The following VSTM4 variants were observed in gnomAD, a reference collection of about 807,000 sequenced individuals.
VSTM4 encodes the protein V-set and transmembrane domain containing 4, also known as V-set and transmembrane domain-containing protein 4.
Under a neutral mutation model 36.4 loss-of-function variants are expected in VSTM4, and 20 were observed. The observed-to-expected ratio is 0.55, with a 90% CI of 0.39 to 0.80. The LOEUF (loss-of-function observed/expected upper bound fraction) is 0.80, where lower values mean the gene tolerates loss of function less well. Ranked by LOEUF, VSTM4 falls within the 30% of genes least tolerant of loss-of-function variation. VSTM4 has a pLI of 0.00. For synonymous variants in VSTM4, 182 were observed against 173.9 expected, an observed-to-expected ratio of 1.05 and a Z score of -0.37; for missense variants, 392 against 404.5, an observed-to-expected ratio of 0.97 and a Z score of 0.26.
intron 7 of VSTM4, among the ~76,000 whole-genome samples, chr10:49,045,206 C>CTT (rs1843589370): frequency 6.6e-6 from 1 of 151,112 alleles, no homozygotes; most frequent in South Asian, 2.1e-4. Context: ...CTTTCTTTCT[C>CTT]TCTCTCTCTC....
chr10:49,092,568 T>G (rs1189505747), intron 2 of VSTM4, among the ~76,000 whole-genome samples: 1 of 152,120 alleles, frequency 6.6e-6, no homozygotes, highest in South Asian at 2.1e-4. Flanking sequence ...GAGAAGAGTA[T>G]GGTCCCTTTG....
Position 49,019,611 on chromosome 10 carries a change from T to C in VSTM4, c.*39A>G, listed in dbSNP as rs1299958187. 6.4e-7 allele frequency: 1 copy of C among 1,561,166 alleles called. No individual in the cohort carries two copies. The highest frequency in any genetic ancestry group is 1.4e-5 in the African/African-American group (1 of 73,098). ...CTCCAAGGCTTCATAAATCACTGGG[T>C]GGCAGGTATTAAATAGAACCTTGGA... is the stretch of plus-strand genomic sequence containing the variant. On this transcript the variant is annotated 3_prime_UTR_variant, in exon 8 of 8. Coordinates refer to ENST00000332853, the MANE Select transcript of VSTM4 (RefSeq NM_001031746.5).
chr10:49,110,075 A>T (rs1844864551), intron 1 of VSTM4, among the ~76,000 whole-genome samples: 1 of 152,198 alleles, frequency 6.6e-6, no homozygotes, highest in African/African-American at 2.4e-5. Context: ...AGAGAGCAGC[A>T]ACGATGCAGC....
At chr10:49,112,120 G>C (rs761363474) in intron 1 of VSTM4, among the ~76,000 whole-genome samples, 2 of 152,192 alleles carry the variant, frequency 1.3e-5, no homozygotes, top group Admixed American at 6.5e-5. Flanking sequence ...GCCAACACAT[G>C]ATCCTCAGAA....
chr10:49,074,709 T>C (rs1379310901), intron 4 of VSTM4, among the ~76,000 whole-genome samples: 1 of 152,172 alleles, frequency 6.6e-6, no homozygotes, highest in East Asian at 1.9e-4. Flanking sequence ...GAGATGCAGG[T>C]ACTGGCTAGA....
rs553984734 is a variant in VSTM4 at position 49,069,492 on chromosome 10, G to C, written c.635-4756C>G. On this transcript the variant is annotated intron_variant, in intron 4 of 7. Transcript: ENST00000332853. Reference sequence around the variant, plus strand: ...TCTCCTGCAGCCCAGCACAGGCTGGGAGCCCTGCAGCCTGAGAAAGCACCT... The same window carrying C: ...TCTCCTGCAGCCCAGCACAGGCTGGCAGCCCTGCAGCCTGAGAAAGCACCT... Among the ~76,000 whole-genome samples, 5 of 152,316 alleles carry C rather than the reference G, an allele frequency of 3.3e-5. No individual in the cohort carries two copies. In the South Asian group the frequency reaches 1.0e-3, roughly 32 times the overall value.
chr10:49,111,034 G>A (rs1056060438), intron 1 of VSTM4, among the ~76,000 whole-genome samples: 2 of 152,202 alleles, frequency 1.3e-5, no homozygotes, highest in Admixed American at 1.3e-4. Flanking sequence ...AAGCTATTCA[G>A]GTTGTGGGGT....
chr10:49,028,057 A>G (rs971460115), intron 7 of VSTM4, among the ~76,000 whole-genome samples: 1 of 152,142 alleles, frequency 6.6e-6, no homozygotes, highest in African/African-American at 2.4e-5. Context: ...GAGCGTTTCA[A>G]TTGCTCCACA....
chr10:49,067,712 T>G (rs1013867474), intron 4 of VSTM4, among the ~76,000 whole-genome samples: 1 of 152,200 alleles, frequency 6.6e-6, no homozygotes, highest in Non-Finnish European at 1.5e-5. Flanking sequence ...AATAAATTTC[T>G]GTTGTTAAAG....
At chr10:49,103,706 G>C in intron 2 of VSTM4, 1 of 1,609,162 alleles carries the variant, frequency 6.2e-7, no homozygotes, top group Non-Finnish European at 8.5e-7. Context: ...TTCTTTCTGG[G>C]AGTTTCCAGT....
At chr10:49,043,588 GGTAA>G (rs1564571067) in intron 7 of VSTM4, among the ~76,000 whole-genome samples, 6 of 151,974 alleles carry the variant, frequency 3.9e-5, no homozygotes, top group Non-Finnish European at 8.8e-5. Context: ...GGCAAGTAAA[GGTAA>G]TGAAGGGAAA....
intron 5 of VSTM4, among the ~76,000 whole-genome samples, chr10:49,055,873 T>C (rs142895827): frequency 6.6e-5 from 10 of 152,368 alleles, no homozygotes; most frequent in Non-Finnish European, 1.3e-4. Context: ...ATGACCTTAC[T>C]GGCAGTATTA....
At position 49,064,686 on chromosome 10, in the gene VSTM4, G is replaced by T. The variant is rs1294128225; in HGVS notation, c.668+17C>A. On this transcript the variant is annotated intron_variant, in intron 5 of 7. Transcript: ENST00000332853. ...GGCAAAGAGTTTCATCTGAAAAAAG[G>T]AAGAAAATATTCTTACCTGTTCTGA... is the stretch of plus-strand genomic sequence containing the variant. 6.2e-7 allele frequency: 1 copy of T among 1,603,630 alleles called. No individual in the cohort carries two copies. Among genetic ancestry groups the T allele is most frequent in the Non-Finnish European group, 8.5e-7 (1 of 1,176,750 alleles).
chr10:49,025,076 C>T (rs1913521), intron 7 of VSTM4, among the ~76,000 whole-genome samples: 102,603 of 151,576 alleles, frequency 0.68, 36,524 homozygotes, highest in Non-Finnish European at 0.8. Context: ...AAGGAGAAGG[C>T]GGCATCTGCA....
intron 1 of VSTM4, among the ~76,000 whole-genome samples, chr10:49,111,508 A>G (rs1402911304): frequency 6.6e-6 from 1 of 152,214 alleles, no homozygotes; most frequent in African/African-American, 2.4e-5. Context: ...TCCACCAGGT[A>G]GATGATGGAG....
At chr10:49,020,754 A>AAGGAG (rs60225348) in intron 7 of VSTM4, among the ~76,000 whole-genome samples, 1 of 93,446 alleles carries the variant, frequency 1.1e-5, no homozygotes, top group African/African-American at 4.5e-5. Context: ...GAAGGAAGGG[A>AAGGAG]GGGAGGGAGG....
chr10:49,105,764 G>A (rs1053592693), intron 2 of VSTM4, among the ~76,000 whole-genome samples: 3 of 152,032 alleles, frequency 2.0e-5, no homozygotes, highest in Admixed American at 2.0e-4. Flanking sequence ...TATTTCGTCT[G>A]TGACTCCAGA....
rs1008387517 is a variant in VSTM4 at position 49,024,925 on chromosome 10, T to G, written c.838-5150A>C. 2.8e-5 allele frequency among the ~76,000 whole-genome samples: 4 copies of G among 142,248 alleles called. No homozygotes were observed. The East Asian group carries it at 8.3e-4, about 30-fold the overall frequency. The allele number at this position is 142,248 out of a possible 152,430, so 93.3% of individuals were successfully genotyped here. A position where few individuals can be genotyped will look rare whatever the true frequency, so the allele number is the denominator to read the frequency against. On this transcript the variant is annotated intron_variant, in intron 7 of 7. Transcript: ENST00000332853. ...CCCTAACTCCTAAGACCTCAGAATG[T>G]GACTCTATTTGCAGATGGGTTTTTT...
At chr10:49,019,962 T>C (rs1230139532) in intron 7 of VSTM4, among the ~76,000 whole-genome samples, 187 bp from the exon 8 acceptor site, 1 of 152,204 alleles carries the variant, frequency 6.6e-6, no homozygotes, top group Non-Finnish European at 1.5e-5. Flanking sequence ...CATTGTCTTC[T>C]ATAGAGCACT....
Sources: allele counts gnomAD v4.1 joint callset (sites outside exome capture counted in the v4.1 genomes callset), GRCh38; gene constraint gnomAD v4.1.1; transcripts MANE v1.5; gene names NCBI Gene and HGNC (gene_info 2026-07-23, HGNC 2026-07-21).